Variants in TANGO6 observed in about 807,000 individuals in gnomAD.
The protein encoded by TANGO6 is transport and golgi organization 6 homolog, also known as transport and Golgi organization protein 6 homolog.
In TANGO6, 90 loss-of-function variants were observed where a neutral mutation model predicts 114.2. That is an observed-to-expected ratio of 0.79 (90% CI 0.66 to 0.94). The LOEUF is 0.94. Ranked by LOEUF, TANGO6 falls within the 40% of genes least tolerant of loss-of-function variation. The pLI is 0.00. For missense variants in TANGO6, 1,274 were observed against 1,315.3 expected (o/e 0.97, Z 0.49); for synonymous variants, 477 against 509.8 (o/e 0.94, Z 0.87).
chr16:69,017,569 C>G lies in TANGO6; in HGVS notation c.2843-5259C>G, dbSNP rs889748972. The stretch of plus-strand genomic sequence containing the variant: ...CACAACAGCCTCCCACTCCAGGGCT[C>G]ATGAATGTGTGCCTTTTCTTCCTTC... On this transcript the variant is annotated intron_variant, in intron 15 of 17. Coordinates refer to ENST00000261778, the MANE Select transcript of TANGO6 (RefSeq NM_024562.2). 4.3e-4 allele frequency among the ~76,000 whole-genome samples: 65 copies of G among 152,102 alleles called. 1 individual carries two copies. Among genetic ancestry groups the G allele is most frequent in the African/African-American group, 1.4e-3 (60 of 41,406 alleles).
intron 17 of TANGO6, among the ~76,000 whole-genome samples, chr16:69,041,543 TG>T (rs1200823839): frequency 2.0e-5 from 3 of 152,184 alleles, no homozygotes; most frequent in Non-Finnish European, 4.4e-5. Flanking sequence ...ATGCCATTTT[TG>T]TACAGGCAGG....
intron 16 of TANGO6, among the ~76,000 whole-genome samples, chr16:69,024,203 C>A (rs1424674268): frequency 6.6e-6 from 1 of 151,804 alleles, no homozygotes; most frequent in African/African-American, 2.4e-5. Context: ...CACCTGAACT[C>A]AGAGTTTATT....
At chr16:68,986,106 CT>C (rs1221375732) in intron 15 of TANGO6, among the ~76,000 whole-genome samples, 1 of 152,138 alleles carries the variant, frequency 6.6e-6, no homozygotes, top group Non-Finnish European at 1.5e-5. Flanking sequence ...AACAGTACTT[CT>C]TAATTATTTT....
In TANGO6 at chr16:68,889,733, T is replaced by G. The variant is rs1412142756; in HGVS notation, c.1377+9103T>G. ...GTAGCACCTTTGAGCCAGACAGACC[T>G]AGGTTGGAATCTGGCTCCAAAGTTG... On this transcript the variant is annotated intron_variant, in intron 7 of 17. Transcript: ENST00000261778. Among the ~76,000 whole-genome samples the G allele has an allele frequency of 2.0e-5, 3 of 152,206 alleles. No homozygotes were observed. The East Asian group carries it at 5.8e-4, about 29-fold the overall frequency.
At chr16:68,851,764 C>T (rs2152151335) in intron 1 of TANGO6, among the ~76,000 whole-genome samples, 1 of 152,232 alleles carries the variant, frequency 6.6e-6, no homozygotes, top group African/African-American at 2.4e-5. Context: ...TGGGGATGTA[C>T]CATTTTAGTT....
At chr16:68,941,418 G>C (rs1401552773) in intron 14 of TANGO6, among the ~76,000 whole-genome samples, 1 of 151,614 alleles carries the variant, frequency 6.6e-6, no homozygotes, top group South Asian at 2.1e-4. Context: ...TTTTATTAGA[G>C]TCTTGGAAAT....
At chr16:68,926,167 G>C (rs1963165267) in intron 12 of TANGO6, among the ~76,000 whole-genome samples, 1 of 152,138 alleles carries the variant, frequency 6.6e-6, no homozygotes, top group South Asian at 2.1e-4. Flanking sequence ...ACTGAATGAA[G>C]TTTAGCATAA....
chr16:69,082,953 G>A (rs1960487852), intron 17 of TANGO6, among the ~76,000 whole-genome samples: 1 of 152,074 alleles, frequency 6.6e-6, no homozygotes, highest in African/African-American at 2.4e-5. Context: ...GATTTGGCCT[G>A]GGAGTAAAGG....
rs762541532 is a variant in TANGO6 at position 69,083,328 on chromosome 16, G to A, written c.3109-157G>A. Among the ~76,000 whole-genome samples the A allele has an allele frequency of 5.3e-5, 8 of 152,026 alleles. No homozygotes were observed. In the South Asian group the frequency reaches 1.2e-3, roughly 24 times the overall value. On this transcript the variant is annotated intron_variant, in intron 17 of 17. Transcript: ENST00000261778. ...TGCCTGCCTTGGCCTCCCAAAGTGC[G>A]GATTACAGGCATGAGCCACTGCACC...
At chr16:68,934,369 A>C (rs945635425) in intron 14 of TANGO6, among the ~76,000 whole-genome samples, 1 of 152,124 alleles carries the variant, frequency 6.6e-6, no homozygotes, top group African/African-American at 2.4e-5. Flanking sequence ...TTCAACAAAA[A>C]TTTTGTATAT....
chr16:69,072,549 T>C (rs9924816), intron 17 of TANGO6, among the ~76,000 whole-genome samples: 3,610 of 152,170 alleles, frequency 0.024, 149 homozygotes, highest in African/African-American at 0.082. Flanking sequence ...TTGGTGACAA[T>C]CCCTGGCTGG....
At chr16:69,020,558 T>C (rs1417443920) in intron 15 of TANGO6, among the ~76,000 whole-genome samples, 2 of 152,136 alleles carry the variant, frequency 1.3e-5, no homozygotes, top group African/African-American at 4.8e-5. Flanking sequence ...GAAAGTGGCA[T>C]TTGAACTGGG....
chr16:69,052,100 C>G (rs1028119793), intron 17 of TANGO6, among the ~76,000 whole-genome samples: 1 of 150,920 alleles, frequency 6.6e-6, no homozygotes, highest in African/African-American at 2.4e-5. Context: ...GTGTGTACCA[C>G]CACACCTGGC....
chr16:69,083,657 C>G lies in TANGO6; in HGVS notation c.3281C>G (p.Pro1094Arg). The G allele has an allele frequency of 1.9e-6, 3 of 1,557,050 alleles. No individual in the cohort carries two copies. The highest frequency in any genetic ancestry group is 2.4e-5 in the South Asian group (2 of 84,364). ...QKLEKKIMVL[P>R] ...CTGGAGAAGAAGATCATGGTCCTGC[C>G]GTAGACCTGGCTCCAAGGACGTGGA... Residue 1094 changes from proline to arginine, a missense_variant, in exon 18 of 18, where the codon CCG becomes CGG. By Grantham distance (103) the Pro-to-Arg change is moderately radical. This residue lies in a region of TANGO6 where 238 missense variants were observed against 252.9 expected (regional missense o/e 0.94). Transcript: ENST00000261778.
chr16:69,066,987 C>T (rs1960222035), intron 17 of TANGO6, among the ~76,000 whole-genome samples: 1 of 152,166 alleles, frequency 6.6e-6, no homozygotes, highest in South Asian at 2.1e-4. Context: ...GCCTCAACCA[C>T]CCAGGCTCAA....
chr16:68,979,513 A>C (rs1963802451), intron 15 of TANGO6, among the ~76,000 whole-genome samples: 2 of 152,084 alleles, frequency 1.3e-5, no homozygotes, highest in South Asian at 4.1e-4. Context: ...TACAGGCGTG[A>C]GCCACTGCGC....
At chr16:69,067,534 A>AAAAAAAAAAAC in intron 17 of TANGO6, among the ~76,000 whole-genome samples, 1 of 147,256 alleles carries the variant, frequency 6.8e-6, no homozygotes, top group African/African-American at 2.5e-5. Flanking sequence ...AAAAAAAAAA[A>AAAAAAAAAAAC]AAACGCTGGG....
At chr16:69,027,396 A>G (rs1194702178) in intron 16 of TANGO6, among the ~76,000 whole-genome samples, 3 of 152,004 alleles carry the variant, frequency 2.0e-5, no homozygotes, top group Non-Finnish European at 4.4e-5. Context: ...TCTCTGAGGG[A>G]TCACCAGGGA....
intron 14 of TANGO6, chr16:68,973,199 T>TG: frequency 2.2e-6 from 1 of 455,592 alleles, no homozygotes; most frequent in South Asian, 1.6e-5. Flanking sequence ...GCAGAGTTGA[T>TG]GGGCCAGGGT....
Sources: allele counts gnomAD v4.1 joint callset (sites outside exome capture counted in the v4.1 genomes callset), GRCh38; gene constraint gnomAD v4.1.1; regional missense constraint gnomAD v4.1.1; transcripts MANE v1.5; gene names NCBI Gene and HGNC (gene_info 2026-07-23, HGNC 2026-07-21).